The following DSCAM variants were observed in gnomAD, a reference collection of about 807,000 sequenced individuals.
The protein encoded by DSCAM is cell adhesion molecule DSCAM.
DSCAM carries 47 observed loss-of-function variants against 217.7 expected under a neutral mutation model. The observed-to-expected ratio is 0.22, with a 90% CI of 0.17 to 0.28. DSCAM has a LOEUF of 0.28. DSCAM is among the 10% of genes least tolerant of loss of function. The probability of loss-of-function intolerance (pLI) is 1.00; values close to 1 mark genes in which losing one functional copy is unlikely to be tolerated. For missense variants in DSCAM, 2,080 were observed against 2,618.3 expected, an observed-to-expected ratio of 0.79 and a Z score of 4.49; for synonymous variants, 1,056 against 1,015.3, an observed-to-expected ratio of 1.04 and a Z score of -0.76.
intron 3 of DSCAM, among the ~76,000 whole-genome samples, chr21:40,664,933 C>T (rs892359250): frequency 3.9e-5 from 6 of 152,106 alleles, no homozygotes; most frequent in African/African-American, 9.7e-5. Context: ...TCACTCAGTT[C>T]GTTCACAGGA....
At chr21:40,544,916 CAA>C (rs376609606) in intron 3 of DSCAM, among the ~76,000 whole-genome samples, 2 of 130,604 alleles carry the variant, frequency 1.5e-5, no homozygotes, top group Admixed American at 7.7e-5. Context: ...TAAAAGTTTC[CAA>C]AAAAAAAAAA....
intron 11 of DSCAM, among the ~76,000 whole-genome samples, chr21:40,199,372 C>T (rs1460166662): frequency 6.6e-6 from 1 of 152,138 alleles, no homozygotes; most frequent in Non-Finnish European, 1.5e-5. Context: ...TGTATACATG[C>T]CACATTTTCT....
intron 4 of DSCAM, among the ~76,000 whole-genome samples, chr21:40,355,075 T>C (rs1026652964): frequency 1.3e-5 from 2 of 152,160 alleles, no homozygotes; most frequent in Non-Finnish European, 2.9e-5. Context: ...GCTCATGTTC[T>C]GTTGGGCGGG....
chr21:40,640,472 G>A (rs1016611048), intron 3 of DSCAM, among the ~76,000 whole-genome samples: 1 of 152,208 alleles, frequency 6.6e-6, no homozygotes, highest in Non-Finnish European at 1.5e-5. Flanking sequence ...GCAGCCATCT[G>A]TGTCTTCATT....
At chr21:40,801,178 C>T (rs1446889480) in intron 1 of DSCAM, among the ~76,000 whole-genome samples, 1 of 152,120 alleles carries the variant, frequency 6.6e-6, no homozygotes, top group Non-Finnish European at 1.5e-5. Context: ...GTCTCGAACT[C>T]CTGACCTTGT....
At chr21:40,744,840 A>T (rs2091158730) in intron 1 of DSCAM, among the ~76,000 whole-genome samples, 1 of 152,240 alleles carries the variant, frequency 6.6e-6, no homozygotes, top group Non-Finnish European at 1.5e-5. Context: ...ATATCTATCA[A>T]ATGTCTGAGA....
At chr21:40,818,599 A>G (rs564687776) in intron 1 of DSCAM, among the ~76,000 whole-genome samples, 46 of 147,986 alleles carry the variant, frequency 3.1e-4, no homozygotes, top group Admixed American at 3.1e-3. Context: ...AAGTCACATA[A>G]GATAGTTATC....
chr21:40,675,363 T>C (rs1355399528), intron 3 of DSCAM, among the ~76,000 whole-genome samples: 1 of 150,942 alleles, frequency 6.6e-6, no homozygotes, highest in Non-Finnish European at 1.5e-5. Flanking sequence ...CAGAGAGAAT[T>C]ATGGGTTCAC....
rs770674350 is a variant in DSCAM at position 40,338,095 on chromosome 21, G to C, written c.1783+6C>G. 6.2e-7 allele frequency: 1 copy of C among 1,613,090 alleles called. No homozygotes were observed. Among genetic ancestry groups the C allele is most frequent in the Non-Finnish European group, 8.5e-7 (1 of 1,179,738 alleles). ...GTTGTGTGGGAACCAGGAGAACAGGGCTTACCTTTCACGGTCACGTGGACG... is the reference window on the plus strand; with the variant it reads ...GTTGTGTGGGAACCAGGAGAACAGGCCTTACCTTTCACGGTCACGTGGACG... On this transcript the variant is annotated splice_donor_region_variant and intron_variant, in intron 8 of 32. Coordinates refer to ENST00000400454, the MANE Select transcript of DSCAM (RefSeq NM_001389.5).
intron 14 of DSCAM, among the ~76,000 whole-genome samples, chr21:40,181,636 C>T (rs1261075135): frequency 6.6e-6 from 1 of 151,674 alleles, no homozygotes; most frequent in Non-Finnish European, 1.5e-5. Flanking sequence ...TCCACATACT[C>T]TCTGAAAACA....
At chr21:40,794,853 G>A in intron 1 of DSCAM, among the ~76,000 whole-genome samples, 1 of 144,728 alleles carries the variant, frequency 6.9e-6, no homozygotes, top group East Asian at 2.1e-4. Flanking sequence ...AAATTGCCTG[G>A]ACTGATAATC....
At chr21:40,132,802 G>A (rs2090167370) in intron 19 of DSCAM, among the ~76,000 whole-genome samples, 1 of 152,178 alleles carries the variant, frequency 6.6e-6, no homozygotes. Flanking sequence ...CCCTGAGCAG[G>A]TGTTCTTTGC....
At chr21:40,086,287 T>C (rs2089531124) in intron 22 of DSCAM, among the ~76,000 whole-genome samples, 1 of 152,250 alleles carries the variant, frequency 6.6e-6, no homozygotes. Flanking sequence ...TGCGTGGCCA[T>C]CATAACCACT....
chr21:40,432,885 G>A (rs924739121), intron 3 of DSCAM, among the ~76,000 whole-genome samples: 10 of 152,120 alleles, frequency 6.6e-5, no homozygotes, highest in Admixed American at 1.3e-4. Flanking sequence ...TGCACCTGGG[G>A]AAGTCTGAGC....
intron 1 of DSCAM, among the ~76,000 whole-genome samples, chr21:40,815,116 G>A (rs567833963): frequency 1.3e-5 from 2 of 152,212 alleles, no homozygotes; most frequent in South Asian, 4.2e-4. Context: ...TGAATGGAGA[G>A]GAGAAGTCAT....
intron 18 of DSCAM, among the ~76,000 whole-genome samples, chr21:40,139,614 G>T (rs1960787958): frequency 6.6e-6 from 1 of 151,906 alleles, no homozygotes; most frequent in African/African-American, 2.4e-5. Context: ...AGTGATTTTG[G>T]GGGCCAAAAA....
chr21:40,369,216 C>G lies in DSCAM; in HGVS notation c.538G>C (p.Ala180Pro). The change falls in exon 4 of 33, where the codon GCC becomes CCC. Residue 180 changes from alanine to proline, a missense_variant. Physicochemically the swap from Ala to Pro is conservative, Grantham distance 27. Around this residue, in one of 5 missense-constraint regions of DSCAM, gnomAD observed 568 missense variants for 678.1 expected, o/e 0.84. Coordinates refer to ENST00000400454, the MANE Select transcript of DSCAM (RefSeq NM_001389.5). ...GSRFLITSTG[A>P]LYIKDVQNED... ...TTCTGTACATCTTTAATATACAAGG[C>G]TCCCGTGGATGTGATGAGAAATCTA... 1 of 1,610,466 alleles carries G rather than the reference C, an allele frequency of 6.2e-7. No homozygotes were observed. Among genetic ancestry groups the G allele is most frequent in the Non-Finnish European group, 8.5e-7 (1 of 1,178,526 alleles).
chr21:40,328,896 A>G (rs930048941), intron 8 of DSCAM, among the ~76,000 whole-genome samples: 4 of 152,242 alleles, frequency 2.6e-5, no homozygotes, highest in Admixed American at 6.5e-5. Context: ...TACATGGCTA[A>G]CAGGTATATA....
rs151105454 is a variant in DSCAM at position 40,700,314 on chromosome 21, G to A, written c.362-7358C>T. ...ACATTTCATCTTTGACAAGTATGATGTTCGCTATAGCAGGATTTTCGTAGT... is the reference window on the plus strand; with the variant it reads ...ACATTTCATCTTTGACAAGTATGATATTCGCTATAGCAGGATTTTCGTAGT... On this transcript the variant is annotated intron_variant, in intron 2 of 32. Transcript: ENST00000400454. Among the ~76,000 whole-genome samples the A allele has an allele frequency of 7.9e-5, 12 of 152,306 alleles. No homozygotes were observed. The East Asian group carries it at 1.9e-3, about 25-fold the overall frequency.
Sources: gnomAD v4.1 joint callset for allele counts (sites outside exome capture counted in the v4.1 genomes callset) on GRCh38, gnomAD v4.1.1 for gene constraint, gnomAD v4.1.1 regional missense constraint, MANE v1.5 for transcripts, NCBI Gene and HGNC (gene_info 2026-07-23, HGNC 2026-07-21) for gene names.